TERF1: variants seen among roughly 807,000 people sequenced by gnomAD.
The protein encoded by TERF1 is telomeric repeat binding factor 1.
A neutral mutation model predicts 55.1 loss-of-function variants in TERF1; 20 were observed. That is an observed-to-expected ratio of 0.36 (90% CI 0.26 to 0.53). TERF1 has a LOEUF of 0.53. TERF1 is among the 20% of genes least tolerant of loss of function. TERF1 has a pLI of 0.91. For missense variants in TERF1, 439 were observed against 535.7 expected (o/e 0.82, Z 1.78); for synonymous variants, 168 against 181.2 (o/e 0.93, Z 0.59).
intron 3 of TERF1, 42 bp from the exon 4 acceptor site, chr8:73,022,174 A>G (rs1483106116): frequency 1.3e-5 from 16 of 1,234,356 alleles, no homozygotes; most frequent in Non-Finnish European, 1.8e-5. Context: ...ACTATTGGGT[A>G]TTTATAAACG....
In TERF1 at chr8:73,047,827, A is replaced by T. The variant is rs1398887755; in HGVS notation, c.*1690A>T. 1 of 152,210 alleles carries T rather than the reference A, an allele frequency of 6.6e-6. No individual in the cohort carries two copies. The highest frequency in any genetic ancestry group is 2.4e-5 in the African/African-American group (1 of 41,464). The allele number at this position is 152,210 out of a possible 1,614,324, so 9.4% of individuals were successfully genotyped here. On this transcript the variant is annotated 3_prime_UTR_variant, in exon 10 of 10. Transcript: ENST00000276603. ...GGAGATATTTTGATGATTAGTGCCA[A>T]GGCTGGCATCATGAGCCAAAATAGA...
chr8:73,026,326 C>T (rs903195915), intron 5 of TERF1, among the ~76,000 whole-genome samples: 4 of 152,064 alleles, frequency 2.6e-5, no homozygotes, highest in Non-Finnish European at 4.4e-5. Flanking sequence ...GGCAAAACCC[C>T]GTCTCTACAA....
intron 8 of TERF1, among the ~76,000 whole-genome samples, chr8:73,033,477 C>G (rs990173291): frequency 1.8e-4 from 28 of 152,256 alleles, no homozygotes; most frequent in African/African-American, 6.7e-4. Context: ...CGCCTATAGT[C>G]CTAGCACTTT....
chr8:73,019,802 T>C (rs1220251613), intron 2 of TERF1, among the ~76,000 whole-genome samples: 1 of 152,228 alleles, frequency 6.6e-6, no homozygotes, highest in Non-Finnish European at 1.5e-5. Context: ...TGCTTCACAT[T>C]ACGCTGTTCT....
intron 1 of TERF1, chr8:73,013,610 A>G (rs1429274077): frequency 3.0e-5 from 8 of 262,340 alleles, no homozygotes; most frequent in Non-Finnish European, 5.8e-5. Context: ...CAATGATTTT[A>G]CACATTTTAC....
chr8:73,037,152 T>TATATAATAATTTATATTATAATATATA (rs1809557628), intron 8 of TERF1, among the ~76,000 whole-genome samples: 1 of 118,292 alleles, frequency 8.5e-6, no homozygotes, highest in Non-Finnish European at 1.7e-5. Context: ...TATATTATAA[T>TATATAATAATTTATATTATAATATATA]ATATAATAAT....
At chr8:73,027,499 G>A (rs1809064474) in intron 6 of TERF1, among the ~76,000 whole-genome samples, 1 of 152,140 alleles carries the variant, frequency 6.6e-6, no homozygotes, top group African/African-American at 2.4e-5. Flanking sequence ...TTTAATACTG[G>A]AGGAAAACAA....
At chr8:73,039,317 G>C in intron 9 of TERF1, 98 bp downstream of exon 9, 1 of 831,774 alleles carries the variant, frequency 1.2e-6, no homozygotes, top group Non-Finnish European at 1.8e-6. Flanking sequence ...AAAATTTTGA[G>C]TGTAAAATAT....
chr8:73,033,044 A>C (rs1467543666), intron 8 of TERF1, among the ~76,000 whole-genome samples: 2 of 125,464 alleles, frequency 1.6e-5, no homozygotes, highest in Non-Finnish European at 3.1e-5. Context: ...TTTAATATGG[A>C]TCTAAACCTA....
At chr8:73,038,310 C>T (rs150021004) in intron 8 of TERF1, among the ~76,000 whole-genome samples, 16 of 151,852 alleles carry the variant, frequency 1.1e-4, no homozygotes, top group South Asian at 1.0e-3. Flanking sequence ...AAAAATTAGT[C>T]GGGCATGGCG....
chr8:73,036,066 G>T (rs1443541401), intron 8 of TERF1, among the ~76,000 whole-genome samples: 1 of 152,222 alleles, frequency 6.6e-6, no homozygotes, highest in African/African-American at 2.4e-5. Context: ...CCTACCCCAA[G>T]TCCGGTGGAC....
In TERF1 at chr8:73,017,460, C is replaced by G. The variant is rs78591919; in HGVS notation, c.416-3224C>G. 3.6e-3 allele frequency among the ~76,000 whole-genome samples: 544 copies of G among 152,258 alleles called. 7 individuals carry two copies. The highest frequency in any genetic ancestry group is 0.013 in the African/African-American group (521 of 41,552). On this transcript the variant is annotated intron_variant, in intron 2 of 9. Transcript: ENST00000276603. Reference sequence around the variant, plus strand: ...CAGTGTTAGTTACTAGCATGAATATCTTTTGTACACCTCTTTCTTACCTTA... The same window carrying G: ...CAGTGTTAGTTACTAGCATGAATATGTTTTGTACACCTCTTTCTTACCTTA...
At position 73,046,374 on chromosome 8, in the gene TERF1, A is replaced by G; in HGVS notation, c.*237A>G. On this transcript the variant is annotated 3_prime_UTR_variant, in exon 10 of 10. Transcript: ENST00000276603. ...TTTGTTGAACCCTGCCACATTTAGT[A>G]TCCCCACCCCCAAATCCTGTTCCAA... The G allele has an allele frequency of 3.4e-6, 1 of 295,606 alleles. No individual in the cohort carries two copies. The highest frequency in any genetic ancestry group is 5.9e-5 in the East Asian group (1 of 16,980). 18.3% of individuals were successfully genotyped at this position (295,606 alleles called of 1,614,324 possible). A position where few individuals can be genotyped will look rare whatever the true frequency, so the allele number is the denominator to read the frequency against.
At chr8:73,035,583 ATG>A (rs535542928) in intron 8 of TERF1, among the ~76,000 whole-genome samples, 210 of 152,270 alleles carry the variant, frequency 1.4e-3, no homozygotes, top group African/African-American at 4.6e-3. Flanking sequence ...TATTCTATAT[ATG>A]TACTCATTTC....
intron 8 of TERF1, among the ~76,000 whole-genome samples, chr8:73,036,451 G>A (rs142869595): frequency 1.1e-4 from 16 of 152,230 alleles, no homozygotes; most frequent in African/African-American, 3.9e-4. Flanking sequence ...ATGTGAAATT[G>A]CATTGTTAAC....
At position 73,038,986 on chromosome 8, in the gene TERF1, G is replaced by GA. The variant is rs1329923828; in HGVS notation, c.1040-125dup. 1.5e-5 allele frequency: 12 copies of GA among 813,330 alleles called. No individual in the cohort carries two copies. In the African/African-American group the frequency reaches 1.9e-4, roughly 13 times the overall value. 50.4% of individuals were successfully genotyped at this position (813,330 alleles called of 1,614,324 possible). A position where few individuals can be genotyped will look rare whatever the true frequency, so the allele number is the denominator to read the frequency against. ...TACCATACTGCTTCCAGATTTGAAG[G>GA]AAAAAGTTAAACATGTACTTTTTCT... On this transcript the variant is annotated intron_variant, in intron 8 of 9. Coordinates refer to ENST00000276603, the MANE Select transcript of TERF1 (RefSeq NM_017489.3).
At chr8:73,031,984 T>G (rs1348835876) in intron 7 of TERF1, 58 bp from the exon 8 acceptor site, 2 of 1,210,048 alleles carry the variant, frequency 1.7e-6, no homozygotes, top group Admixed American at 3.8e-5. Flanking sequence ...ATTTACCTGT[T>G]TTCCATTGCC....
chr8:73,041,814 A>G (rs1299940212), intron 9 of TERF1, among the ~76,000 whole-genome samples: 2 of 152,120 alleles, frequency 1.3e-5, no homozygotes, highest in Non-Finnish European at 2.9e-5. Context: ...AAAACTCACA[A>G]AAGTTTGTGA....
intron 2 of TERF1, among the ~76,000 whole-genome samples, chr8:73,015,751 C>T (rs1429173710): frequency 1.3e-5 from 2 of 152,062 alleles, no homozygotes; most frequent in African/African-American, 2.4e-5. Flanking sequence ...CGTTTGAGCC[C>T]AGGAGGTTGA....
Sources: allele counts gnomAD v4.1 joint callset (sites outside exome capture counted in the v4.1 genomes callset), GRCh38; gene constraint gnomAD v4.1.1; transcripts MANE v1.5; gene names NCBI Gene and HGNC (gene_info 2026-07-23, HGNC 2026-07-21).